PDE3A: variants seen among roughly 807,000 people sequenced by gnomAD.
PDE3A encodes cGMP-inhibited 3',5'-cyclic phosphodiesterase 3A.
A neutral mutation model predicts 98.3 loss-of-function variants in PDE3A; 43 were observed. The ratio of observed to expected loss-of-function variants is 0.44; its 90% confidence interval spans 0.34 to 0.56. The LOEUF is 0.56. Ranked by LOEUF, PDE3A falls within the 20% of genes least tolerant of loss-of-function variation. The pLI is 0.01. For missense variants in PDE3A, 1,427 were observed against 1,440.7 expected (o/e 0.99, Z 0.15); for synonymous variants, 663 against 567.9 (o/e 1.17, Z -2.38).
At chr12:20,557,169 G>T in intron 2 of PDE3A, 1 of 159,470 alleles carries the variant, frequency 6.3e-6, no homozygotes, top group Non-Finnish European at 1.4e-5. Context: ...AAAGATGAAA[G>T]GACCTATTAT....
intron 1 of PDE3A, among the ~76,000 whole-genome samples, chr12:20,385,537 G>C (rs184086335): frequency 2.4e-4 from 37 of 151,864 alleles, no homozygotes; most frequent in Admixed American, 1.6e-3. Flanking sequence ...TTGGAACCAA[G>C]CCAAATGTCC....
At chr12:20,554,030 A>AT (rs563366945) in intron 1 of PDE3A, among the ~76,000 whole-genome samples, 8,460 of 151,342 alleles carry the variant, frequency 0.056, 272 homozygotes, top group African/African-American at 0.077. Context: ...TTCTAAATGA[A>AT]TTTTTTTGTA....
chr12:20,479,572 T>A (rs573638909), intron 1 of PDE3A, among the ~76,000 whole-genome samples: 6 of 152,324 alleles, frequency 3.9e-5, no homozygotes, highest in African/African-American at 1.4e-4. Context: ...GGAAAAGGAA[T>A]CTCACTGCAG....
intron 1 of PDE3A, among the ~76,000 whole-genome samples, chr12:20,383,256 T>G (rs1362531189): frequency 6.8e-6 from 1 of 147,238 alleles, no homozygotes; most frequent in Non-Finnish European, 1.5e-5. Context: ...ATAACCTATA[T>G]TTTGTCTTGA....
intron 15 of PDE3A, among the ~76,000 whole-genome samples, chr12:20,658,993 T>C (rs889951990): frequency 6.6e-6 from 1 of 152,168 alleles, no homozygotes; most frequent in Non-Finnish European, 1.5e-5. Context: ...TCATAAAACA[T>C]AGCACATGTA....
At chr12:20,618,681 T>A (rs1944065653) in intron 4 of PDE3A, among the ~76,000 whole-genome samples, 1 of 152,010 alleles carries the variant, frequency 6.6e-6, no homozygotes, top group African/African-American at 2.4e-5. Context: ...AACTATGACA[T>A]AATTGGAGGG....
intron 1 of PDE3A, among the ~76,000 whole-genome samples, chr12:20,406,317 T>C (rs1944231957): frequency 6.6e-6 from 1 of 152,226 alleles, no homozygotes; most frequent in African/African-American, 2.4e-5. Flanking sequence ...GTGTTGTTTT[T>C]CGTAATCAGT....
chr12:20,603,292 C>G (rs559748140), intron 2 of PDE3A, among the ~76,000 whole-genome samples: 1 of 151,826 alleles, frequency 6.6e-6, no homozygotes, highest in East Asian at 1.9e-4. Flanking sequence ...CCCAGGATGA[C>G]TAAATAGAAA....
chr12:20,526,458 T>TA (rs1946520808), intron 1 of PDE3A, among the ~76,000 whole-genome samples: 1 of 152,128 alleles, frequency 6.6e-6, no homozygotes, highest in East Asian at 1.9e-4. Context: ...TCAAATTTTT[T>TA]TAAAAAAGTG....
At chr12:20,624,841 T>G (rs531722300) in intron 5 of PDE3A, among the ~76,000 whole-genome samples, 2 of 152,276 alleles carry the variant, frequency 1.3e-5, no homozygotes, top group African/African-American at 4.8e-5. Context: ...AGCTAAGTGG[T>G]TGTGACATGT....
Position 20,428,006 on chromosome 12 carries a change from G to GT in PDE3A, c.960+57763dup, listed in dbSNP as rs369466124. Among the ~76,000 whole-genome samples, 551 of 152,166 alleles carry GT rather than the reference G, an allele frequency of 3.6e-3. 3 individuals are homozygous for GT. The highest frequency in any genetic ancestry group is 0.012 in the African/African-American group (480 of 41,530). On this transcript the variant is annotated intron_variant, in intron 1 of 15. Coordinates refer to ENST00000359062, the MANE Select transcript of PDE3A (RefSeq NM_000921.5). ...GGATCACGAGGTCAGGAGGTCAGGA[G>GT]TAATCCCACATCGTTCAAGTCAGTA... is the stretch of plus-strand genomic sequence containing the variant.
At chr12:20,530,684 A>G (rs1403591767) in intron 1 of PDE3A, among the ~76,000 whole-genome samples, 1 of 152,000 alleles carries the variant, frequency 6.6e-6, no homozygotes, top group Non-Finnish European at 1.5e-5. Flanking sequence ...TGCTTCAACC[A>G]TTTCCCCCTT....
chr12:20,411,784 C>T (rs966600400), intron 1 of PDE3A, among the ~76,000 whole-genome samples: 1 of 152,174 alleles, frequency 6.6e-6, no homozygotes, highest in African/African-American at 2.4e-5. Context: ...AAAAACATTA[C>T]ACATTTTCAT....
At chr12:20,567,583 G>A (rs558008892) in intron 2 of PDE3A, among the ~76,000 whole-genome samples, 153 of 152,036 alleles carry the variant, frequency 1.0e-3, no homozygotes, top group Middle Eastern at 3.4e-3. Context: ...ACAGGAACAT[G>A]TGTTCTCATT....
chr12:20,374,109 G>C (rs1943529546), intron 1 of PDE3A, among the ~76,000 whole-genome samples: 1 of 152,040 alleles, frequency 6.6e-6, no homozygotes, highest in African/African-American at 2.4e-5. Flanking sequence ...TTATGACTTG[G>C]TGACAGAATT....
intron 1 of PDE3A, among the ~76,000 whole-genome samples, chr12:20,464,978 CAGTTACATATG>C (rs1168896639): frequency 2.0e-5 from 3 of 152,114 alleles, no homozygotes; most frequent in Non-Finnish European, 2.9e-5. Context: ...AATTAAGAAG[CAGTTACATATG>C]AGAATATGAA....
chr12:20,559,404 G>A (rs563154504), intron 2 of PDE3A, among the ~76,000 whole-genome samples: 180 of 151,832 alleles, frequency 1.2e-3, no homozygotes, highest in Non-Finnish European at 1.5e-3. Context: ...TTGGGAGGCC[G>A]AGGCAGGCAG....
intron 2 of PDE3A, among the ~76,000 whole-genome samples, chr12:20,606,184 A>T (rs1167932475): frequency 4.8e-5 from 7 of 145,962 alleles, no homozygotes; most frequent in Non-Finnish European, 7.4e-5. Flanking sequence ...TACTTTCTTT[A>T]AAAAAAATGA....
chr12:20,580,933 A>C (rs1943046651), intron 2 of PDE3A, among the ~76,000 whole-genome samples: 1 of 152,188 alleles, frequency 6.6e-6, no homozygotes, highest in Non-Finnish European at 1.5e-5. Context: ...TAGTGGTGAA[A>C]TATGAATAGT....
Sources: gnomAD v4.1 joint callset for allele counts (sites outside exome capture counted in the v4.1 genomes callset) on GRCh38, gnomAD v4.1.1 for gene constraint, MANE v1.5 for transcripts, NCBI Gene and HGNC (gene_info 2026-07-23, HGNC 2026-07-21) for gene names.